DOK5: variants seen among roughly 807,000 people sequenced by gnomAD.
DOK5 encodes the protein downstream of tyrosine kinase 5.
DOK5 carries 27 observed loss-of-function variants against 43.3 expected under a neutral mutation model. The observed-to-expected ratio is 0.62, with a 90% confidence interval of 0.46 to 0.86. The LOEUF (loss-of-function observed/expected upper bound fraction) is 0.86, where lower values mean the gene tolerates loss of function less well. Among genes scored for constraint, DOK5 ranks in the 40% least tolerant of loss-of-function variants. The pLI is 0.00. For missense variants in DOK5, 373 were observed against 392.9 expected, an observed-to-expected ratio of 0.95 and a Z score of 0.43; for synonymous variants, 146 against 140.1, an observed-to-expected ratio of 1.04 and a Z score of -0.30.
intron 6 of DOK5, among the ~76,000 whole-genome samples, chr20:54,612,562 G>T (rs898245445): frequency 6.6e-6 from 1 of 151,522 alleles, no homozygotes; most frequent in African/African-American, 2.4e-5. Flanking sequence ...TCTGATGGAG[G>T]CCAGAATAGA....
At chr20:54,518,813 A>ATTTTTGTAATCTACTCAT (rs1983291407) in intron 1 of DOK5, among the ~76,000 whole-genome samples, 1 of 151,966 alleles carries the variant, frequency 6.6e-6, no homozygotes, top group Non-Finnish European at 1.5e-5. Flanking sequence ...CATGTAATGA[A>ATTTTTGTAATCTACTCAT]GGGCTAATAT....
intron 1 of DOK5, among the ~76,000 whole-genome samples, chr20:54,499,500 C>T (rs781618853): frequency 1.3e-5 from 2 of 152,214 alleles, no homozygotes; most frequent in Non-Finnish European, 2.9e-5. Flanking sequence ...GTGAATCAGG[C>T]ATCACCCACA....
At chr20:54,577,676 A>G (rs926995096) in intron 2 of DOK5, among the ~76,000 whole-genome samples, 1 of 152,204 alleles carries the variant, frequency 6.6e-6, no homozygotes, top group Non-Finnish European at 1.5e-5. Context: ...ACAGCAACAC[A>G]TCTTTATCTC....
intron 6 of DOK5, among the ~76,000 whole-genome samples, chr20:54,614,418 T>C (rs983825780): frequency 3.3e-5 from 5 of 152,100 alleles, no homozygotes; most frequent in African/African-American, 9.7e-5. Flanking sequence ...CAGGGCAACA[T>C]GTCATTGTAT....
chr20:54,584,400 T>C (rs1455857675), intron 2 of DOK5, among the ~76,000 whole-genome samples: 1 of 151,656 alleles, frequency 6.6e-6, no homozygotes, highest in African/African-American at 2.4e-5. Context: ...TATGATCATC[T>C]ATTTTAAGAT....
chr20:54,625,087 A>G (rs1011354113), intron 6 of DOK5, among the ~76,000 whole-genome samples: 8 of 152,068 alleles, frequency 5.3e-5, no homozygotes, highest in Admixed American at 3.3e-4. Flanking sequence ...CCTTGGTAAC[A>G]TTTGGATGAT....
intron 1 of DOK5, among the ~76,000 whole-genome samples, chr20:54,537,388 G>A (rs984855330): frequency 6.6e-6 from 1 of 152,174 alleles, no homozygotes; most frequent in Non-Finnish European, 1.5e-5. Context: ...ACACAGAGGT[G>A]ATAGAATTAT....
intron 7 of DOK5, among the ~76,000 whole-genome samples, chr20:54,645,841 A>G (rs893288227): frequency 1.3e-5 from 2 of 150,910 alleles, no homozygotes; most frequent in Non-Finnish European, 2.9e-5. Context: ...TAATGTTAAG[A>G]AAGCACTGGG....
rs558082059 is a variant in DOK5, at chr20:54,631,829, G to A, written c.736-11629G>A. Among the ~76,000 whole-genome samples, 9 of 152,112 alleles carry A rather than the reference G, an allele frequency of 5.9e-5. No homozygotes were observed. In the South Asian group the frequency reaches 1.9e-3, roughly 32 times the overall value. On this transcript the variant is annotated intron_variant, in intron 6 of 7. Coordinates refer to ENST00000262593, the MANE Select transcript of DOK5 (RefSeq NM_018431.5). The stretch of plus-strand genomic sequence containing the variant: ...TGTAGTAAAAATACAAAAATTAGCT[G>A]GGCATTGTGGCACGTGCCTGTAGTC...
chr20:54,571,771 ACTC>A (rs2146748431), intron 2 of DOK5, among the ~76,000 whole-genome samples: 1 of 151,812 alleles, frequency 6.6e-6, no homozygotes, highest in South Asian at 2.1e-4. Flanking sequence ...TTCACCCTAA[ACTC>A]CTGAGTGCAG....
intron 2 of DOK5, among the ~76,000 whole-genome samples, chr20:54,580,418 C>T (rs958208097): frequency 2.4e-4 from 37 of 151,062 alleles, no homozygotes; most frequent in Admixed American, 7.9e-4. Context: ...TTTGAGGAAC[C>T]TCCACACTCT....
rs565802361 is a variant in DOK5 at position 54,600,723 on chromosome 20, A to T, written c.599+8918A>T. Among the ~76,000 whole-genome samples, 197 of 152,268 alleles carry T rather than the reference A, an allele frequency of 1.3e-3. 2 individuals are homozygous for T. Among genetic ancestry groups the T allele is most frequent in the Non-Finnish European group, 2.3e-3 (157 of 68,018 alleles). On this transcript the variant is annotated intron_variant, in intron 5 of 7. Coordinates refer to ENST00000262593, the MANE Select transcript of DOK5 (RefSeq NM_018431.5). ...GTGTGATTGATTGATTGATTGGTGG[A>T]TCTCAGTCTCCAGGCTGACTGATAT... is the stretch of plus-strand genomic sequence containing the variant.
intron 6 of DOK5, among the ~76,000 whole-genome samples, chr20:54,623,951 G>C (rs1323089033): frequency 6.6e-6 from 1 of 152,138 alleles, no homozygotes; most frequent in Non-Finnish European, 1.5e-5. Context: ...TGAAGCAATG[G>C]GGATATAAAC....
chr20:54,650,593 C>T lies in DOK5; in HGVS notation c.*114C>T. 2 of 942,404 alleles carry T rather than the reference C, an allele frequency of 2.1e-6. No individual in the cohort carries two copies. The highest frequency in any genetic ancestry group is 3.2e-6 in the Non-Finnish European group (2 of 615,588). 58.4% of individuals were successfully genotyped at this position (942,404 alleles called of 1,614,324 possible). A position where few individuals can be genotyped will look rare whatever the true frequency, so the allele number is the denominator to read the frequency against. On this transcript the variant is annotated 3_prime_UTR_variant, in exon 8 of 8. Transcript: ENST00000262593. ...CGACCAAGAGAAGAAGCTTAAAGTC[C>T]TGGCTAATTGTGTGGTCATTGGAAA...
intron 5 of DOK5, among the ~76,000 whole-genome samples, chr20:54,597,695 A>G (rs1986184553): frequency 1.3e-5 from 2 of 152,222 alleles, no homozygotes; most frequent in South Asian, 4.1e-4. Flanking sequence ...ACTGGAGGTT[A>G]GCCTAGTTCT....
At chr20:54,584,714 C>T (rs369142252) in intron 2 of DOK5, among the ~76,000 whole-genome samples, 14 of 145,992 alleles carry the variant, frequency 9.6e-5, no homozygotes, top group African/African-American at 3.3e-4. Flanking sequence ...AATATGTACT[C>T]GTGTGTGTGT....
At chr20:54,480,633 G>A (rs981133085) in intron 1 of DOK5, among the ~76,000 whole-genome samples, 3 of 152,270 alleles carry the variant, frequency 2.0e-5, no homozygotes, top group Admixed American at 6.5e-5. Context: ...GACTTGCCCT[G>A]AATTCTTTGC....
At chr20:54,513,983 A>G (rs1273872430) in intron 1 of DOK5, among the ~76,000 whole-genome samples, 2 of 152,172 alleles carry the variant, frequency 1.3e-5, no homozygotes, top group African/African-American at 2.4e-5. Context: ...TTTGAGATTC[A>G]GATTACTTAT....
chr20:54,490,932 A>G (rs1028708086), intron 1 of DOK5, among the ~76,000 whole-genome samples: 4 of 151,236 alleles, frequency 2.6e-5, no homozygotes, highest in African/African-American at 7.3e-5. Flanking sequence ...TCTACTTTTC[A>G]CTCTTCAAAT....
Sources: gnomAD v4.1 joint callset for allele counts (sites outside exome capture counted in the v4.1 genomes callset) on GRCh38, gnomAD v4.1.1 for gene constraint, MANE v1.5 for transcripts, NCBI Gene and HGNC (gene_info 2026-07-23, HGNC 2026-07-21) for gene names.